The following CTIF variants were observed in gnomAD, a reference collection of about 807,000 sequenced individuals.
The protein encoded by CTIF is CBP80/20-dependent translation initiation factor.
In CTIF, 21 loss-of-function variants were observed where a neutral mutation model predicts 66.0. The observed-to-expected ratio is 0.32, with a 90% CI of 0.23 to 0.46. CTIF has a LOEUF of 0.46. CTIF is among the 20% of genes least tolerant of loss of function. CTIF has a pLI of 1.00. For synonymous variants in CTIF, 345 were observed against 326.4 expected (o/e 1.06, Z -0.62); for missense variants, 739 against 812.7 (o/e 0.91, Z 1.10).
intron 1 of CTIF, among the ~76,000 whole-genome samples, chr18:48,563,535 G>T (rs531079010): frequency 6.6e-6 from 1 of 152,124 alleles, no homozygotes; most frequent in Non-Finnish European, 1.5e-5. Context: ...GCAGTGGCGC[G>T]ATCTTGACTC....
intron 6 of CTIF, among the ~76,000 whole-genome samples, chr18:48,697,501 C>T (rs549027052): frequency 3.7e-4 from 56 of 152,234 alleles, no homozygotes; most frequent in Admixed American, 1.2e-3. Flanking sequence ...GGAAGATGTT[C>T]CAGGCTGAAG....
intron 7 of CTIF, among the ~76,000 whole-genome samples, chr18:48,750,264 T>G (rs1158382315): frequency 1.3e-5 from 2 of 152,114 alleles, no homozygotes; most frequent in Non-Finnish European, 2.9e-5. Context: ...AGTTGAGTGG[T>G]TGGCCAAAGC....
At chr18:48,682,576 G>A (rs1329368787) in intron 6 of CTIF, among the ~76,000 whole-genome samples, 1 of 152,140 alleles carries the variant, frequency 6.6e-6, no homozygotes, top group Non-Finnish European at 1.5e-5. Flanking sequence ...GATAGTTCAG[G>A]GAGTCACTGA....
At chr18:48,579,564 T>C (rs920900412) in intron 1 of CTIF, among the ~76,000 whole-genome samples, 4 of 152,216 alleles carry the variant, frequency 2.6e-5, no homozygotes, top group African/African-American at 9.6e-5. Context: ...AAAAGTAACT[T>C]AGTTCTCTCC....
chr18:48,723,805 T>C (rs962265247), intron 7 of CTIF, among the ~76,000 whole-genome samples: 3 of 152,224 alleles, frequency 2.0e-5, no homozygotes, highest in East Asian at 3.8e-4. Flanking sequence ...GTCTTCCCAG[T>C]AATTTAATTA....
chr18:48,691,324 C>T (rs1473150369), intron 6 of CTIF, among the ~76,000 whole-genome samples: 1 of 152,148 alleles, frequency 6.6e-6, no homozygotes, highest in African/African-American at 2.4e-5. Flanking sequence ...GAAGACAATT[C>T]CAGGGCCTGT....
rs367566894 is a variant in CTIF at position 48,758,284 on chromosome 18, G to T, written c.950G>T (p.Gly317Val). The T allele has an allele frequency of 1.2e-6, 2 of 1,613,342 alleles. No individual in the cohort carries two copies. The highest frequency in any genetic ancestry group is 2.2e-5 in the East Asian group (1 of 44,888). Residue 317 changes from glycine to valine, a missense_variant, in exon 8 of 12, where the codon GGG (glycine) becomes GTG (valine). Gly to Val is a moderately radical substitution (Grantham distance 109). Around this residue, in one of 2 missense-constraint regions of CTIF, gnomAD observed 529 missense variants for 520.3 expected, o/e 1.02. Transcript: ENST00000256413. ...ASERLPPQQS[G>V]GPEVETKRKD... ...GAGCGGCTGCCCCCACAGCAGTCAG[G>T]GGGGCCAGAGGTTGAGACAAAACGT... is the stretch of plus-strand genomic sequence containing the variant.
At chr18:48,729,227 A>G (rs574018871) in intron 7 of CTIF, among the ~76,000 whole-genome samples, 1 of 152,280 alleles carries the variant, frequency 6.6e-6, no homozygotes, top group South Asian at 2.1e-4. Flanking sequence ...TCCAGCAGAT[A>G]GTTCTGGGAA....
intron 1 of CTIF, among the ~76,000 whole-genome samples, chr18:48,591,694 A>T (rs2089890244): frequency 6.6e-6 from 1 of 152,262 alleles, no homozygotes; most frequent in South Asian, 2.1e-4. Flanking sequence ...TGATAGTTAG[A>T]GTAAGTAATG....
intron 7 of CTIF, among the ~76,000 whole-genome samples, chr18:48,731,276 A>G (rs562661418): frequency 1.3e-4 from 20 of 152,178 alleles, no homozygotes; most frequent in Non-Finnish European, 2.2e-4. Flanking sequence ...AGGACCCCCA[A>G]GAGCTGTGCA....
At chr18:48,611,061 T>C (rs2090299362) in intron 1 of CTIF, among the ~76,000 whole-genome samples, 1 of 152,276 alleles carries the variant, frequency 6.6e-6, no homozygotes, top group South Asian at 2.1e-4. Flanking sequence ...ATGTAAAGGC[T>C]TGGATCCTGC....
At chr18:48,654,523 G>T (rs1172124011) in intron 3 of CTIF, among the ~76,000 whole-genome samples, 2 of 152,210 alleles carry the variant, frequency 1.3e-5, no homozygotes, top group Non-Finnish European at 2.9e-5. Context: ...TACACTGTTG[G>T]TGGGAGCATA....
At chr18:48,541,301 G>T (rs2088611887) in intron 1 of CTIF, among the ~76,000 whole-genome samples, 1 of 152,196 alleles carries the variant, frequency 6.6e-6, no homozygotes, top group East Asian at 1.9e-4. Context: ...GGGCCCGCGC[G>T]ACCAAGGAGG....
rs1171970097 is a variant in CTIF, at chr18:48,817,314, C to T, written c.1465C>T (p.Arg489Cys). Residue 489 changes from arginine (R) to cysteine (C), a missense_variant, in exon 10 of 12, where the codon CGC (arginine) becomes TGC (cysteine). This residue lies in a region of CTIF where 210 missense variants were observed against 292.3 expected (regional missense o/e 0.72). Transcript: ENST00000256413. ...TFLCEVFGTM[R>C]SSTGEPFRVL... ...CCTGTGCGAGGTCTTCGGCACCATGCGCAGCAGCACAGGCGAGCCCTTCCG... is the reference window on the plus strand; with the variant it reads ...CCTGTGCGAGGTCTTCGGCACCATGTGCAGCAGCACAGGCGAGCCCTTCCG... The T allele has an allele frequency of 1.9e-6, 3 of 1,613,892 alleles. No homozygotes were observed. Among genetic ancestry groups the T allele is most frequent in the Non-Finnish European group, 2.5e-6 (3 of 1,179,958 alleles).
intron 6 of CTIF, among the ~76,000 whole-genome samples, chr18:48,679,336 T>C (rs549889610): frequency 1.3e-5 from 2 of 152,316 alleles, no homozygotes; most frequent in Admixed American, 1.3e-4. Context: ...TGACAGGGAT[T>C]TTTGAACTTA....
At chr18:48,792,965 T>A (rs2067826932) in intron 9 of CTIF, among the ~76,000 whole-genome samples, 1 of 152,164 alleles carries the variant, frequency 6.6e-6, no homozygotes, top group African/African-American at 2.4e-5. Context: ...GGTGGTGCTA[T>A]TAGGTGGTAT....
intron 1 of CTIF, among the ~76,000 whole-genome samples, chr18:48,548,284 C>T (rs892210724): frequency 6.6e-6 from 1 of 152,168 alleles, no homozygotes; most frequent in Admixed American, 6.5e-5. Context: ...AACACACAGG[C>T]CTGTCCCACA....
chr18:48,752,720 C>T (rs1907957620), intron 7 of CTIF, among the ~76,000 whole-genome samples: 1 of 152,296 alleles, frequency 6.6e-6, no homozygotes, highest in Admixed American at 6.5e-5. Flanking sequence ...GTGCAGGCTG[C>T]CATACCCCAG....
chr18:48,611,059 G>T (rs777155261), intron 1 of CTIF, among the ~76,000 whole-genome samples: 1 of 152,140 alleles, frequency 6.6e-6, no homozygotes. Context: ...GGATGTAAAG[G>T]CTTGGATCCT....
Sources: gnomAD v4.1 joint callset for allele counts (sites outside exome capture counted in the v4.1 genomes callset) on GRCh38, gnomAD v4.1.1 for gene constraint, gnomAD v4.1.1 regional missense constraint, MANE v1.5 for transcripts, NCBI Gene and HGNC (gene_info 2026-07-23, HGNC 2026-07-21) for gene names.